Variants in ZNF492 observed in about 807,000 individuals in gnomAD.
ZNF492 encodes zinc finger protein 115 (Y20).
In ZNF492, 3 loss-of-function variants were observed where a neutral mutation model predicts 6.4. That is an observed-to-expected ratio of 0.47 (90% CI 0.21 to 1.22). The LOEUF (loss-of-function observed/expected upper bound fraction) is 1.22, where lower values mean the gene tolerates loss of function less well. Ranked by LOEUF, ZNF492 falls within the 50% of genes most tolerant of loss-of-function variation. ZNF492 has a pLI of 0.22. For synonymous variants in ZNF492, 112 were observed against 205.3 expected, an observed-to-expected ratio of 0.55 and a Z score of 3.89; for missense variants, 356 against 612.5, an observed-to-expected ratio of 0.58 and a Z score of 4.42.
intron 3 of ZNF492, among the ~76,000 whole-genome samples, chr19:22,657,839 T>TA (rs1363720709): frequency 2.0e-5 from 3 of 152,156 alleles, no homozygotes; most frequent in Non-Finnish European, 4.4e-5. Flanking sequence ...TGTGTGTTTT[T>TA]ATCTATAAAT....
At chr19:22,656,846 C>T (rs1972001440) in intron 3 of ZNF492, among the ~76,000 whole-genome samples, 1 of 152,102 alleles carries the variant, frequency 6.6e-6, no homozygotes. Flanking sequence ...GATCTCAAAG[C>T]TCTTTAAGGG....
intron 1 of ZNF492, among the ~76,000 whole-genome samples, chr19:22,640,722 G>C (rs1971818044): frequency 6.6e-6 from 1 of 152,174 alleles, no homozygotes; most frequent in Non-Finnish European, 1.5e-5. Flanking sequence ...CCATCTACTA[G>C]AATTCAGCTG....
chr19:22,649,620 TCA>T (rs1374244042), intron 1 of ZNF492, among the ~76,000 whole-genome samples: 2 of 144,620 alleles, frequency 1.4e-5, no homozygotes, highest in Non-Finnish European at 3.1e-5. Context: ...GAGGCTTTGT[TCA>T]TTCTTGTTCA....
At chr19:22,644,592 T>C (rs1049859282) in intron 1 of ZNF492, among the ~76,000 whole-genome samples, 1 of 152,350 alleles carries the variant, frequency 6.6e-6, no homozygotes, top group African/African-American at 2.4e-5. Context: ...TATTCCATGG[T>C]GTGTATGTAC....
chr19:22,662,836 C>T (rs1972072513), intron 3 of ZNF492, among the ~76,000 whole-genome samples: 1 of 151,228 alleles, frequency 6.6e-6, no homozygotes, highest in Admixed American at 6.6e-5. Context: ...GGATGTTTGC[C>T]CTTTGTCAGA....
intron 3 of ZNF492, among the ~76,000 whole-genome samples, chr19:22,657,686 C>T (rs1294440495): frequency 6.6e-6 from 1 of 151,912 alleles, no homozygotes; most frequent in African/African-American, 2.4e-5. Flanking sequence ...CGCATTTTTT[C>T]AGTGTAGGTT....
In ZNF492 at chr19:22,666,245, C is replaced by T. The variant is rs1405342838; in HGVS notation, c.*980C>T. ...TCTATCGCCCCCCCAGGCTGGAGTA[C>T]AGTGGCACGATCTCAGCTCACTGCA... On this transcript the variant is annotated 3_prime_UTR_variant, in exon 4 of 4. Coordinates refer to ENST00000456783, the MANE Select transcript of ZNF492 (RefSeq NM_020855.3). 1 of 146,376 alleles carries T rather than the reference C, an allele frequency of 6.8e-6. No homozygotes were observed. The highest frequency in any genetic ancestry group is 1.5e-5 in the Non-Finnish European group (1 of 67,322). 9.1% of individuals were successfully genotyped at this position (146,376 alleles called of 1,614,324 possible).
At position 22,665,544 on chromosome 19, in the gene ZNF492, A is replaced by G; in HGVS notation, c.*279A>G. 6.1e-6 allele frequency: 3 copies of G among 488,184 alleles called. No individual in the cohort carries two copies. Among genetic ancestry groups the G allele is most frequent in the South Asian group, 3.4e-5 (1 of 29,062 alleles). 30.2% of individuals were successfully genotyped at this position (488,184 alleles called of 1,614,324 possible). On this transcript the variant is annotated 3_prime_UTR_variant, in exon 4 of 4. Coordinates refer to ENST00000456783, the MANE Select transcript of ZNF492 (RefSeq NM_020855.3). ...CAATTACTGTCAAAAGAGTTCAAAA[A>G]ATAAGCATTTAAAGTGCTGAAGAGG... is the stretch of plus-strand genomic sequence containing the variant.
rs1261885719 is a variant in ZNF492, at chr19:22,659,771, T to G, written c.131-4029T>G. 5.9e-5 allele frequency among the ~76,000 whole-genome samples: 9 copies of G among 151,270 alleles called. No homozygotes were observed. In the South Asian group the frequency reaches 1.7e-3, roughly 28 times the overall value. On this transcript the variant is annotated intron_variant, in intron 3 of 3. Coordinates refer to ENST00000456783, the MANE Select transcript of ZNF492 (RefSeq NM_020855.3). ...ACCTCTGCCTCCTAGGTTCAAGCGATTCTCCTGCCTCAGCCTCCCGAGTAG... is the reference window on the plus strand; with the variant it reads ...ACCTCTGCCTCCTAGGTTCAAGCGAGTCTCCTGCCTCAGCCTCCCGAGTAG...
intron 2 of ZNF492, among the ~76,000 whole-genome samples, chr19:22,653,676 C>T (rs1012419545): frequency 1.3e-5 from 2 of 152,014 alleles, no homozygotes; most frequent in East Asian, 1.9e-4. Flanking sequence ...AGTGGCATAA[C>T]GTACTGTTGC....
At position 22,664,106 on chromosome 19, in the gene ZNF492, G is replaced by A. The variant is rs1391027012; in HGVS notation, c.437G>A (p.Cys146Tyr). 1.2e-6 allele frequency: 2 copies of A among 1,604,890 alleles called. No individual in the cohort carries two copies. The highest frequency in any genetic ancestry group is 1.7e-6 in the Non-Finnish European group (2 of 1,175,168). The change falls in exon 4 of 4, where the codon TGT becomes TAT. Residue 146 changes from cysteine (C) to tyrosine (Y), a missense_variant. Transcript: ENST00000456783. ...TGKKSFKCKE[C>Y]EKSFCMLSHL... The stretch of plus-strand genomic sequence containing the variant: ...AAGAAATCTTTCAAATGTAAAGAAT[G>A]TGAAAAGTCATTTTGCATGCTTTCA...
intron 3 of ZNF492, among the ~76,000 whole-genome samples, chr19:22,660,595 T>A (rs2915933): frequency 0.16 from 21,917 of 139,782 alleles, 2,560 homozygotes; most frequent in African/African-American, 0.32. Flanking sequence ...TCATTAACAG[T>A]TGTTTATAAT....
At chr19:22,638,658 C>T (rs1236781168) in intron 1 of ZNF492, among the ~76,000 whole-genome samples, 3 of 152,010 alleles carry the variant, frequency 2.0e-5, no homozygotes, top group Admixed American at 1.3e-4. Context: ...ATGACTTCAG[C>T]TTTGTTCTTT....
At chr19:22,652,772 G>A (rs1286678344) in intron 1 of ZNF492, among the ~76,000 whole-genome samples, 2 of 151,924 alleles carry the variant, frequency 1.3e-5, no homozygotes, top group Non-Finnish European at 2.9e-5. Flanking sequence ...GTAGAGACAG[G>A]GTTTCACCGT....
intron 1 of ZNF492, among the ~76,000 whole-genome samples, chr19:22,652,800 C>A (rs967406031): frequency 2.6e-5 from 4 of 152,084 alleles, no homozygotes; most frequent in African/African-American, 9.7e-5. Flanking sequence ...AGGATAGTCT[C>A]GGTCTCCTGA....
At position 22,653,909 on chromosome 19, in the gene ZNF492, T is replaced by C. The variant is rs3745118; in HGVS notation, c.35-11T>C. 179,001 of 1,572,448 alleles carry C rather than the reference T, an allele frequency of 0.11. 9,144 individuals carry two copies. Among genetic ancestry groups the C allele is most frequent in the Middle Eastern group, 0.18 (1,038 of 5,876 alleles). ...ATATGAGCAAGATTCATGTTATTTG[T>C]AATAAAACAGGTATTGCTGCCTCTA... On this transcript the variant is annotated splice_polypyrimidine_tract_variant and intron_variant, in intron 2 of 3. Transcript: ENST00000456783.
chr19:22,659,175 A>G (rs1471978193), intron 3 of ZNF492, among the ~76,000 whole-genome samples: 2 of 150,674 alleles, frequency 1.3e-5, no homozygotes, highest in Non-Finnish European at 2.9e-5. Context: ...ATTTCTATAT[A>G]TTTGTTAATT....
At chr19:22,653,019 G>A (rs1280287244) in intron 1 of ZNF492, among the ~76,000 whole-genome samples, 1 of 151,492 alleles carries the variant, frequency 6.6e-6, no homozygotes, top group Non-Finnish European at 1.5e-5. Context: ...TGTAAATGTA[G>A]CACTCAAAAA....
At chr19:22,661,773 T>G (rs577038084) in intron 3 of ZNF492, among the ~76,000 whole-genome samples, 77 of 152,192 alleles carry the variant, frequency 5.1e-4, no homozygotes, top group African/African-American at 1.9e-3. Flanking sequence ...CTTTTGTATT[T>G]TTAGTAGAGA....
Sources: allele counts gnomAD v4.1 joint callset (sites outside exome capture counted in the v4.1 genomes callset), GRCh38; gene constraint gnomAD v4.1.1; transcripts MANE v1.5; gene names NCBI Gene and HGNC (gene_info 2026-07-23, HGNC 2026-07-21).